Variants in ODAD3 observed in about 807,000 individuals in gnomAD.
ODAD3 encodes the protein outer dynein arm docking complex subunit 3, also known as outer dynein arm-docking complex subunit 3.
In ODAD3, 57 loss-of-function variants were observed where a neutral mutation model predicts 70.9. The observed-to-expected ratio is 0.80, with a 90% CI of 0.65 to 1.00. ODAD3 has a LOEUF of 1.00. ODAD3 is among the 50% of genes least tolerant of loss of function. The pLI is 0.00. For missense variants in ODAD3, 797 were observed against 763.9 expected (o/e 1.04, Z -0.51); for synonymous variants, 327 against 315.9 (o/e 1.04, Z -0.37).
In ODAD3 at chr19:11,421,792, G is replaced by T; in HGVS notation, c.1475C>A (p.Ala492Glu). 1 of 1,613,280 alleles carries T rather than the reference G, an allele frequency of 6.2e-7. No homozygotes were observed. Residue 492 changes from alanine to glutamate, a missense_variant, in exon 11 of 13, where the codon GCA becomes GAA. Ala to Glu is a moderately radical substitution (Grantham distance 107). Coordinates refer to ENST00000356392, the MANE Select transcript of ODAD3 (RefSeq NM_145045.5). ...RFAGKELDPQADNYVPNLLGL... is the reference protein window; with the variant it reads ...RFAGKELDPQEDNYVPNLLGL... ...CAGCAGGTTTGGCACATAGTTATCT[G>T]CCTGGGGATCCAGCTCCTTTCCCGC...
intron 8 of ODAD3, among the ~76,000 whole-genome samples, chr19:11,423,067 C>A (rs552450650): frequency 6.6e-6 from 1 of 152,332 alleles, no homozygotes; most frequent in South Asian, 2.1e-4. Context: ...TTTGCGGGGC[C>A]CTTTCTGGCC....
chr19:11,423,750 G>A (rs985822185), intron 8 of ODAD3, 127 bp downstream of exon 8: 3 of 941,616 alleles, frequency 3.2e-6, no homozygotes, highest in Non-Finnish European at 4.7e-6. Context: ...GAGCAGGTTT[G>A]TGAGCTGAAT....
chr19:11,428,861 TTTTATTTA>T (rs1195887473), intron 3 of ODAD3, among the ~76,000 whole-genome samples: 2,232 of 135,748 alleles, frequency 0.016, 40 homozygotes, highest in Middle Eastern at 0.055. Flanking sequence ...GTGTTTTATT[TTTTATTTA>T]TTTATTTATT....
At chr19:11,421,424 A>G (rs998799384) in intron 11 of ODAD3, among the ~76,000 whole-genome samples, 6 of 151,900 alleles carry the variant, frequency 3.9e-5, no homozygotes, top group Middle Eastern at 3.4e-3. Flanking sequence ...GGGCCCTGCC[A>G]CTAGGCCTCT....
In ODAD3 at chr19:11,426,124, G is replaced by T. The variant is rs373614479; in HGVS notation, c.963+20C>A. On this transcript the variant is annotated intron_variant, in intron 7 of 12. Coordinates refer to ENST00000356392, the MANE Select transcript of ODAD3 (RefSeq NM_145045.5). ...TGGGCTGGGCTGGAGTCACAGGCGC[G>T]CACCCCTGGGTGCGCCCACCTTGCG... 6.3e-6 allele frequency: 10 copies of T among 1,598,420 alleles called. No individual in the cohort carries two copies. The highest frequency in any genetic ancestry group is 8.5e-6 in the Non-Finnish European group (10 of 1,176,022).
chr19:11,424,116 C>T (rs1405575450), intron 7 of ODAD3, 87 bp from the exon 8 acceptor site: 5 of 1,488,008 alleles, frequency 3.4e-6, no homozygotes, highest in African/African-American at 1.4e-5. Flanking sequence ...GATAGGGGCC[C>T]GCGAGGAACA....
At chr19:11,435,738 TCA>T (rs1253270119), upstream of ODAD3, 4 of 1,344,004 alleles carry the variant, frequency 3.0e-6, no homozygotes, top group South Asian at 3.7e-5. Flanking sequence ...GGAGGGCACC[TCA>T]GTTTCTTACA....
At position 11,430,705 on chromosome 19, in the gene ODAD3, T is replaced by A; in HGVS notation, c.438A>T (p.Thr146=). 6.2e-7 allele frequency: 1 copy of A among 1,614,136 alleles called. No homozygotes were observed. The highest frequency in any genetic ancestry group is 8.5e-7 in the Non-Finnish European group (1 of 1,180,022). ...GGGGCGAGGGTGGGCAAACCTGTCC[T>A]GTCCTGTTCTTCAGGTATGGCTTCT... ...KWEKPYLKNR[T]GQALEHLDHR... The change falls in exon 3 of 13, where the codon ACA becomes ACT. Residue 146 remains threonine (T), a synonymous_variant. Coordinates refer to ENST00000356392, the MANE Select transcript of ODAD3 (RefSeq NM_145045.5).
At chr19:11,430,430 G>A (rs371573820) in intron 3 of ODAD3, 47 of 490,004 alleles carry the variant, frequency 9.6e-5, no homozygotes, top group South Asian at 3.0e-4. Flanking sequence ...GGGCCACCGC[G>A]CCTGGCTGTG....
rs866311781 is a variant in ODAD3 at position 11,422,538 on chromosome 19, A to C, written c.1367T>G (p.Leu456Trp). ...AEAKDQLERA[L>W]RAMQVAKDSL... is the part of the protein sequence containing the mutation. ...GTCCTTGGCCACTTGCATCGCCCGC[A>C]AGGCGCGCTCCAGCTGGTCCTTGGC... Residue 456 changes from leucine (L) to tryptophan (W), a missense_variant, in exon 10 of 13, where the codon TTG becomes TGG. Transcript: ENST00000356392. The surrounding 1 kb of genome is among the most constrained non-coding windows in gnomAD (Gnocchi z 4.6). The C allele has an allele frequency of 3.8e-6, 6 of 1,592,196 alleles. No individual in the cohort carries two copies. In the African/African-American group the frequency reaches 4.0e-5, roughly 11 times the overall value.
At chr19:11,434,752 T>G in intron 1 of ODAD3, 21 bp downstream of exon 1, 1 of 1,597,908 alleles carries the variant, frequency 6.3e-7, no homozygotes, top group Non-Finnish European at 8.6e-7. Flanking sequence ...TGACCCTCTG[T>G]ACCCTCTGGA....
rs1969577639 is a variant in ODAD3 at position 11,434,211 on chromosome 19, T to TAA, written c.244+561_244+562insTT. ...CTAGGCGACAGAGCAAGACCCTGTC[T>TAA]CAAAAAACAAAAAACAAAACAAAAA... On this transcript the variant is annotated intron_variant, in intron 1 of 12. Coordinates refer to ENST00000356392, the MANE Select transcript of ODAD3 (RefSeq NM_145045.5). Among the ~76,000 whole-genome samples the TAA allele has an allele frequency of 2.9e-5, 3 of 104,316 alleles. 1 individual carries two copies. The highest frequency in any genetic ancestry group is 1.4e-4 in the African/African-American group (3 of 21,240). The allele number at this position is 104,316 out of a possible 152,430, so 68.4% of individuals were successfully genotyped here.
chr19:11,423,065 G>A (rs1183347271), intron 8 of ODAD3, among the ~76,000 whole-genome samples: 1 of 152,236 alleles, frequency 6.6e-6, no homozygotes, highest in Non-Finnish European at 1.5e-5. Context: ...TTTTTGCGGG[G>A]CCCTTTCTGG....
At chr19:11,423,781 G>A (rs1969196622) in intron 8 of ODAD3, 96 bp downstream of exon 8, 1 of 1,297,162 alleles carries the variant, frequency 7.7e-7, no homozygotes, top group Non-Finnish European at 1.1e-6. Flanking sequence ...GCAGAGAGGG[G>A]AGACAGGGTG....
rs745772940 is a variant in ODAD3 at position 11,427,043 on chromosome 19, G to A, written c.445-3C>T. On this transcript the variant is annotated splice_region_variant and splice_polypyrimidine_tract_variant and intron_variant, in intron 3 of 12. Coordinates refer to ENST00000356392, the MANE Select transcript of ODAD3 (RefSeq NM_145045.5). ...CGGTGGTCTAGGTGCTCCAGGGCCT[G>A]CCGCAAGGAGGGGAGCGAAAGCAGG... The A allele has an allele frequency of 1.0e-5, 16 of 1,575,046 alleles. No individual in the cohort carries two copies. The highest frequency in any genetic ancestry group is 1.1e-5 in the Non-Finnish European group (13 of 1,165,902).
chr19:11,422,730 G>T lies in ODAD3; in HGVS notation c.1248C>A (p.Leu416=). 6.2e-7 allele frequency: 1 copy of T among 1,612,724 alleles called. No homozygotes were observed. The change falls in exon 9 of 13, where the codon CTC becomes CTA. Residue 416 remains leucine, a synonymous_variant. Transcript: ENST00000356392. The surrounding 1 kb of genome is among the most constrained non-coding windows in gnomAD (Gnocchi z 4.6). ...KQQLQRELED[L]KYSGEATLVS... is the part of the protein sequence containing the mutation. Reference sequence around the variant, plus strand: ...CCAGCGTGGCCTCCCCCGAGTACTTGAGGTCTTCCAGCTCCCGCTGCAGTT... The same window carrying T: ...CCAGCGTGGCCTCCCCCGAGTACTTTAGGTCTTCCAGCTCCCGCTGCAGTT...
At position 11,422,595 on chromosome 19, in the gene ODAD3, C is replaced by T; in HGVS notation, c.1310G>A (p.Arg437His). The T allele has an allele frequency of 1.9e-6, 3 of 1,595,898 alleles. No homozygotes were observed. Among genetic ancestry groups the T allele is most frequent in the Non-Finnish European group, 2.6e-6 (3 of 1,173,714 alleles). Reference sequence around the variant, plus strand: ...GTGCCGCCGCTCCTCCTTCTTGAGACGCTCCTGCGCCTCGGCTTGCAGTTT... The same window carrying T: ...GTGCCGCCGCTCCTCCTTCTTGAGATGCTCCTGCGCCTCGGCTTGCAGTTT... Reference protein sequence around the residue: ...QQKLQAEAQERLKKEERRHAE... With the variant: ...QQKLQAEAQEHLKKEERRHAE... The change falls in exon 10 of 13, where the codon CGT becomes CAT. Residue 437 changes from arginine to histidine, a missense_variant. Physicochemically the swap from Arg to His is conservative, Grantham distance 29 (BLOSUM62 0). Transcript: ENST00000356392. The surrounding 1 kb of genome is among the most constrained non-coding windows in gnomAD (Gnocchi z 4.6).
Position 11,420,855 on chromosome 19 carries a change from G to C in ODAD3, c.1768C>G (p.Arg590Gly). ...CGAGTCTAGGACCTCCGAGAGCGAC[G>C]GTGCTTCTTGTGACTTTCGATTAAT... ...QKLIESHKKH[R>G]RSRRS is the part of the protein sequence containing the mutation. Residue 590 changes from arginine (R) to glycine (G), a missense_variant, in exon 13 of 13, where the codon CGT (arginine) becomes GGT (glycine). Physicochemically the swap from Arg to Gly is moderately radical, Grantham distance 125. Coordinates refer to ENST00000356392, the MANE Select transcript of ODAD3 (RefSeq NM_145045.5). The C allele has an allele frequency of 6.2e-7, 1 of 1,613,984 alleles. No homozygotes were observed. The highest frequency in any genetic ancestry group is 8.5e-7 in the Non-Finnish European group (1 of 1,179,948).
At position 11,425,551 on chromosome 19, in the gene ODAD3, A is replaced by ATATG. The variant is rs1431324566; in HGVS notation, c.963+589_963+592dup. On this transcript the variant is annotated intron_variant, in intron 7 of 12. Coordinates refer to ENST00000356392, the MANE Select transcript of ODAD3 (RefSeq NM_145045.5). ...TGTATATATGTGTGTATGTATGTATATATGTATATATGTGTGTATGTATGT... is the reference window on the plus strand; with the variant it reads ...TGTATATATGTGTGTATGTATGTATATATGTATGTATATATGTGTGTATGTATGT... 3.2e-3 allele frequency among the ~76,000 whole-genome samples: 422 copies of ATATG among 131,618 alleles called. 41 individuals are homozygous for ATATG. The highest frequency in any genetic ancestry group is 0.013 in the African/African-American group (365 of 28,362). 86.3% of individuals were successfully genotyped at this position (131,618 alleles called of 152,430 possible).
Sources: allele counts gnomAD v4.1 joint callset (sites outside exome capture counted in the v4.1 genomes callset), GRCh38; gene constraint gnomAD v4.1.1; non-coding constraint Gnocchi (gnomAD v3.1); transcripts MANE v1.5; gene names NCBI Gene and HGNC (gene_info 2026-07-23, HGNC 2026-07-21).